The following PDLIM1 variants were observed in gnomAD, a reference collection of about 807,000 sequenced individuals.
PDLIM1 encodes the protein PDZ and LIM domain protein 1.
A neutral mutation model predicts 35.2 loss-of-function variants in PDLIM1; 25 were observed. The ratio of observed to expected loss-of-function variants is 0.71; its 90% confidence interval spans 0.52 to 0.99. The LOEUF is 0.99. PDLIM1 is among the 50% of genes least tolerant of loss of function. The probability of loss-of-function intolerance (pLI) is 0.00; values close to 1 mark genes in which losing one functional copy is unlikely to be tolerated. For synonymous variants in PDLIM1, 152 were observed against 154.0 expected (o/e 0.99, Z 0.10); for missense variants, 363 against 415.3 (o/e 0.87, Z 1.09).
At chr10:95,274,042 C>A (rs922006421) in intron 1 of PDLIM1, among the ~76,000 whole-genome samples, 1 of 152,118 alleles carries the variant, frequency 6.6e-6, no homozygotes, top group Non-Finnish European at 1.5e-5. Context: ...CTAAATCTAG[C>A]AGTTTCAAAG....
chr10:95,259,608 C>T (rs1468601091), intron 4 of PDLIM1, among the ~76,000 whole-genome samples: 1 of 152,126 alleles, frequency 6.6e-6, no homozygotes, highest in Non-Finnish European at 1.5e-5. Flanking sequence ...AGAGGAATGC[C>T]CGCACAGCAG....
intron 1 of PDLIM1, among the ~76,000 whole-genome samples, chr10:95,288,389 A>C (rs2035620000): frequency 6.6e-6 from 1 of 152,200 alleles, no homozygotes; most frequent in Non-Finnish European, 1.5e-5. Context: ...ATACAAAACT[A>C]TACCAGCAAA....
At chr10:95,240,654 T>A (rs1384238311) in intron 5 of PDLIM1, among the ~76,000 whole-genome samples, 2 of 152,158 alleles carry the variant, frequency 1.3e-5, no homozygotes, top group Admixed American at 1.3e-4. Context: ...AACTTAAATG[T>A]TGGAAATTTA....
chr10:95,257,038 G>GAAAAGAAAGAAAGAGAAAAAT (rs1440640324), intron 4 of PDLIM1, among the ~76,000 whole-genome samples: 1 of 129,774 alleles, frequency 7.7e-6, no homozygotes, highest in African/African-American at 3.0e-5. Flanking sequence ...AAGAAAGAAA[G>GAAAAGAAAGAAAGAGAAAAAT]AATTCAAAAT....
chr10:95,246,080 G>T (rs1014247488), intron 5 of PDLIM1, among the ~76,000 whole-genome samples: 16 of 152,158 alleles, frequency 1.1e-4, no homozygotes, highest in African/African-American at 3.9e-4. Flanking sequence ...GAGATAGAGG[G>T]CATAGAAAAC....
chr10:95,237,944 ACCACTTCATAAC>A lies in PDLIM1; in HGVS notation c.959_970del (p.Gly320_Val323del), dbSNP rs1249616331. The stretch of plus-strand genomic sequence containing the variant: ...GCTGGCTCACTTGGGGAACACAGTG[ACCACTTCATAAC>A]CCTCAGGTGGTGTGACTCGCTCCCG... On this transcript the variant is annotated inframe_deletion, in exon 7 of 7. Transcript: ENST00000329399. 3 of 1,613,966 alleles carry A rather than the reference ACCACTTCATAAC, an allele frequency of 1.9e-6. No individual in the cohort carries two copies. The highest frequency in any genetic ancestry group is 2.5e-6 in the Non-Finnish European group (3 of 1,180,000).
At chr10:95,262,885 G>C (rs1423045515) in intron 4 of PDLIM1, among the ~76,000 whole-genome samples, 1 of 152,156 alleles carries the variant, frequency 6.6e-6, no homozygotes, top group Non-Finnish European at 1.5e-5. Flanking sequence ...GCTCATGCCT[G>C]TAATCCCGGA....
At chr10:95,288,382 C>T (rs2035619957) in intron 1 of PDLIM1, among the ~76,000 whole-genome samples, 1 of 152,152 alleles carries the variant, frequency 6.6e-6, no homozygotes, top group Non-Finnish European at 1.5e-5. Flanking sequence ...CTATCATATA[C>T]AAAACTATAC....
At chr10:95,272,407 G>A (rs887345253) in intron 1 of PDLIM1, among the ~76,000 whole-genome samples, 2 of 152,096 alleles carry the variant, frequency 1.3e-5, no homozygotes, top group African/African-American at 4.8e-5. Context: ...ACCAGGCATG[G>A]TGGCTCATGC....
In PDLIM1 at chr10:95,252,370, A is replaced by G. The variant is rs2035274832; in HGVS notation, c.534-5004T>C. ...GACATAGGCAGAGTGGGGAAAGTGG[A>G]CTTTCTACCCCCACCTGTCAGTAAT... On this transcript the variant is annotated intron_variant, in intron 4 of 6. Coordinates refer to ENST00000329399, the MANE Select transcript of PDLIM1 (RefSeq NM_020992.4). 1.3e-5 allele frequency among the ~76,000 whole-genome samples: 2 copies of G among 152,164 alleles called. 1 individual carries two copies. Among genetic ancestry groups the G allele is most frequent in the South Asian group, 4.1e-4 (2 of 4,828 alleles).
chr10:95,274,293 C>CTTT lies in PDLIM1; in HGVS notation c.97-2512_97-2510dup, dbSNP rs11429361. Among the ~76,000 whole-genome samples the CTTT allele has an allele frequency of 9.0e-3, 1,181 of 130,558 alleles. 35 individuals are homozygous for CTTT. Among genetic ancestry groups the CTTT allele is most frequent in the African/African-American group, 0.029 (996 of 34,640 alleles). 85.7% of individuals were successfully genotyped at this position (130,558 alleles called of 152,430 possible). The stretch of plus-strand genomic sequence containing the variant: ...TCTAAGCTATACCCCCACAGTCATC[C>CTTT]TTTTTTTTTTTTTTTTTGAGACGGA... On this transcript the variant is annotated intron_variant, in intron 1 of 6. Transcript: ENST00000329399.
rs527414125 is a variant in PDLIM1, at chr10:95,266,673, C to T, written c.333+2105G>A. Among the ~76,000 whole-genome samples, 13 of 152,210 alleles carry T rather than the reference C, an allele frequency of 8.5e-5. No individual in the cohort carries two copies. In the South Asian group the frequency reaches 1.5e-3, roughly 17 times the overall value. ...AGGGTCTGTTCCCTTCTCCCTCCAC[C>T]GAAACACATTTCCAATTAGAATGGA... On this transcript the variant is annotated intron_variant, in intron 3 of 6. Coordinates refer to ENST00000329399, the MANE Select transcript of PDLIM1 (RefSeq NM_020992.4).
intron 4 of PDLIM1, among the ~76,000 whole-genome samples, chr10:95,256,528 C>T (rs2035312043): frequency 1.3e-5 from 2 of 152,238 alleles, no homozygotes; most frequent in South Asian, 4.1e-4. Flanking sequence ...AGAGAGCCCA[C>T]AAATAAACCT....
At chr10:95,247,152 C>G (rs539063033) in intron 5 of PDLIM1, 63 bp downstream of exon 5, 3 of 1,480,940 alleles carry the variant, frequency 2.0e-6, no homozygotes, top group Non-Finnish European at 2.8e-6. Flanking sequence ...TGTGCTTCCA[C>G]AATGACTGAC....
chr10:95,260,322 G>A (rs1378549321), intron 4 of PDLIM1, among the ~76,000 whole-genome samples: 1 of 152,184 alleles, frequency 6.6e-6, no homozygotes, highest in Non-Finnish European at 1.5e-5. Context: ...CAAGCCTTTA[G>A]GAAGTATCAG....
chr10:95,240,407 C>T (rs966139210), intron 5 of PDLIM1, among the ~76,000 whole-genome samples: 3 of 152,182 alleles, frequency 2.0e-5, no homozygotes, highest in Admixed American at 2.0e-4. Context: ...AACCAAATAC[C>T]ACATATTCTC....
Position 95,238,678 on chromosome 10 carries a change from G to A in PDLIM1, c.693C>T (p.Pro231=), listed in dbSNP as rs2035147696. 1.2e-6 allele frequency: 2 copies of A among 1,607,050 alleles called. No individual in the cohort carries two copies. The highest frequency in any genetic ancestry group is 2.2e-5 in the East Asian group (1 of 44,860). Reference sequence around the variant, plus strand: ...CACTTCTGAATCCTGAGGGCTTGTTGGGATCCCCTGAAATGAGGAAAACAC... The same window carrying A: ...CACTTCTGAATCCTGAGGGCTTGTTAGGATCCCCTGAAATGAGGAAAACAC... ...EILESEEKGD[P]NKPSGFRSVK... Residue 231 remains proline (P), a synonymous_variant, in exon 6 of 7, where the codon CCC becomes CCT. Transcript: ENST00000329399.
At chr10:95,288,947 C>A (rs1045357537) in intron 1 of PDLIM1, among the ~76,000 whole-genome samples, 3 of 152,212 alleles carry the variant, frequency 2.0e-5, no homozygotes, top group African/African-American at 7.2e-5. Flanking sequence ...CGTGCACACG[C>A]CATAAATAAA....
chr10:95,250,293 A>G (rs943669318), intron 4 of PDLIM1, among the ~76,000 whole-genome samples: 3 of 152,082 alleles, frequency 2.0e-5, no homozygotes, highest in Non-Finnish European at 2.9e-5. Context: ...GACAGAACCC[A>G]GACCACAAGG....
Sources: allele counts gnomAD v4.1 joint callset (sites outside exome capture counted in the v4.1 genomes callset), GRCh38; gene constraint gnomAD v4.1.1; transcripts MANE v1.5; gene names NCBI Gene and HGNC (gene_info 2026-07-23, HGNC 2026-07-21).